The following THSD7B variants were observed in gnomAD, a reference collection of about 807,000 sequenced individuals.
THSD7B encodes the protein thrombospondin type 1 domain containing 7B.
A neutral mutation model predicts 213.6 loss-of-function variants in THSD7B; 138 were observed. The observed-to-expected ratio is 0.65, with a 90% CI of 0.56 to 0.74. The LOEUF (loss-of-function observed/expected upper bound fraction) is 0.74, where lower values mean the gene tolerates loss of function less well. Ranked by LOEUF, THSD7B falls within the 30% of genes least tolerant of loss-of-function variation. THSD7B has a pLI of 0.00. For synonymous variants in THSD7B, 742 were observed against 687.0 expected, an observed-to-expected ratio of 1.08 and a Z score of -1.25; for missense variants, 1,931 against 1,991.5, an observed-to-expected ratio of 0.97 and a Z score of 0.58.
chr2:136,873,503 C>G (rs963692537), intron 1 of THSD7B, among the ~76,000 whole-genome samples: 1 of 152,076 alleles, frequency 6.6e-6, no homozygotes, highest in African/African-American at 2.4e-5. Context: ...CTGTTTTTTC[C>G]TTCGCAGGGT....
At chr2:136,797,597 A>C (rs1341260366) in intron 1 of THSD7B, among the ~76,000 whole-genome samples, 2 of 151,948 alleles carry the variant, frequency 1.3e-5, no homozygotes, top group Non-Finnish European at 2.9e-5. Flanking sequence ...GAGATTGGTG[A>C]AATGGAAAGC....
At chr2:137,230,677 G>A (rs985789857) in intron 7 of THSD7B, among the ~76,000 whole-genome samples, 7 of 152,058 alleles carry the variant, frequency 4.6e-5, no homozygotes, top group Non-Finnish European at 7.4e-5. Context: ...AGATTAGAAG[G>A]GTCAACATAA....
chr2:137,397,814 T>TACACCAATC (rs1686232968), intron 12 of THSD7B, among the ~76,000 whole-genome samples: 4 of 146,254 alleles, frequency 2.7e-5, no homozygotes, highest in Admixed American at 2.1e-4. Flanking sequence ...CAATCAGACG[T>TACACCAATC]AGATTTGGTC....
chr2:136,814,823 G>A lies in THSD7B; in HGVS notation c.-36+49136G>A, dbSNP rs576187301. 9.9e-5 allele frequency among the ~76,000 whole-genome samples: 15 copies of A among 152,264 alleles called. No homozygotes were observed. The South Asian group carries it at 3.1e-3, about 32-fold the overall frequency. On this transcript the variant is annotated intron_variant, in intron 1 of 27. Coordinates refer to ENST00000409968, the MANE Select transcript of THSD7B (RefSeq NM_001316349.2). ...ACCCTAGTGGTCTAAAATAGGGTTT[G>A]GCAAACTATGGTCAGTTTGGCTCAC...
intron 2 of THSD7B, among the ~76,000 whole-genome samples, chr2:136,896,451 T>G (rs1423345857): frequency 6.6e-6 from 1 of 152,204 alleles, no homozygotes; most frequent in Non-Finnish European, 1.5e-5. Context: ...ATGCAAATCC[T>G]TTATTGGATG....
At chr2:137,076,904 C>G (rs1024696787) in intron 3 of THSD7B, among the ~76,000 whole-genome samples, 1 of 151,828 alleles carries the variant, frequency 6.6e-6, no homozygotes, top group Non-Finnish European at 1.5e-5. Context: ...ATACATGTGC[C>G]ATGTTGGTGT....
At chr2:137,006,825 T>C (rs529686548) in intron 2 of THSD7B, among the ~76,000 whole-genome samples, 2 of 152,236 alleles carry the variant, frequency 1.3e-5, no homozygotes, top group Non-Finnish European at 2.9e-5. Flanking sequence ...TTTGATATTT[T>C]CTGTAGCCAT....
At position 136,851,737 on chromosome 2, in the gene THSD7B, C is replaced by T. The variant is rs1047951289; in HGVS notation, c.-35-30407C>T. ...AGAAATACTTGAAGTCTCTTAAGGC[C>T]TAGTCTTGTATCGTTACAGCCTTTT... On this transcript the variant is annotated intron_variant, in intron 1 of 27. Coordinates refer to ENST00000409968, the MANE Select transcript of THSD7B (RefSeq NM_001316349.2). Among the ~76,000 whole-genome samples the T allele has an allele frequency of 3.9e-5, 6 of 152,000 alleles. 1 individual carries two copies. Among genetic ancestry groups the T allele is most frequent in the Non-Finnish European group, 5.9e-5 (4 of 68,006 alleles).
chr2:137,110,204 T>C (rs1456049177), intron 4 of THSD7B, among the ~76,000 whole-genome samples: 1 of 152,188 alleles, frequency 6.6e-6, no homozygotes, highest in Non-Finnish European at 1.5e-5. Flanking sequence ...GAAGGTAATC[T>C]TCCCAAGGTC....
At chr2:136,768,288 G>T (rs1681443417) in intron 1 of THSD7B, among the ~76,000 whole-genome samples, 1 of 152,150 alleles carries the variant, frequency 6.6e-6, no homozygotes, top group Non-Finnish European at 1.5e-5. Context: ...AAAAAGATAG[G>T]CTCTAAGTTA....
chr2:137,586,523 C>T (rs1305227429), intron 17 of THSD7B, among the ~76,000 whole-genome samples: 1 of 152,178 alleles, frequency 6.6e-6, no homozygotes, highest in African/African-American at 2.4e-5. Context: ...TCTTATAGGG[C>T]AGGCTTGGTG....
At chr2:137,501,648 G>A (rs1192127060) in intron 15 of THSD7B, among the ~76,000 whole-genome samples, 3 of 152,040 alleles carry the variant, frequency 2.0e-5, no homozygotes, top group Non-Finnish European at 4.4e-5. Context: ...CTCCCTCCCC[G>A]AAAAGAATCA....
chr2:137,311,353 T>C (rs1573952639), intron 12 of THSD7B, among the ~76,000 whole-genome samples: 2 of 152,156 alleles, frequency 1.3e-5, no homozygotes, highest in African/African-American at 4.8e-5. Flanking sequence ...GTACATTGAT[T>C]TTGTATCCTG....
chr2:136,773,848 G>A (rs1259144959), intron 1 of THSD7B, among the ~76,000 whole-genome samples: 1 of 150,010 alleles, frequency 6.7e-6, no homozygotes, highest in Non-Finnish European at 1.5e-5. Flanking sequence ...CCATTCATTT[G>A]TTTATTAATG....
chr2:137,082,521 G>A (rs1361003038), intron 3 of THSD7B, among the ~76,000 whole-genome samples: 1 of 152,068 alleles, frequency 6.6e-6, no homozygotes, highest in African/African-American at 2.4e-5. Flanking sequence ...ATAACAACAA[G>A]AGCTCTCAAA....
intron 12 of THSD7B, among the ~76,000 whole-genome samples, chr2:137,279,387 T>A (rs966097867): frequency 1.3e-5 from 2 of 151,620 alleles, no homozygotes; most frequent in Non-Finnish European, 2.9e-5. Context: ...ATAGAAATTT[T>A]AAAAAAAGAG....
intron 7 of THSD7B, among the ~76,000 whole-genome samples, chr2:137,227,666 C>G (rs1681540180): frequency 6.6e-6 from 1 of 152,080 alleles, no homozygotes; most frequent in African/African-American, 2.4e-5. Flanking sequence ...GGCTCAAGTG[C>G]TTTATTTTTG....
chr2:137,222,430 A>G (rs1681391535), intron 7 of THSD7B, among the ~76,000 whole-genome samples: 1 of 152,202 alleles, frequency 6.6e-6, no homozygotes. Flanking sequence ...CAGAGGTCAC[A>G]TATTCATTTT....
At chr2:137,519,251 A>AAAATAAATAAAT (rs150919867) in intron 15 of THSD7B, among the ~76,000 whole-genome samples, 31,712 of 148,832 alleles carry the variant, frequency 0.21, 3,506 homozygotes, top group South Asian at 0.25. Context: ...ACTCCATCTC[A>AAAATAAATAAAT]AAATAAATAA....
Sources: gnomAD v4.1 joint callset for allele counts (sites outside exome capture counted in the v4.1 genomes callset) on GRCh38, gnomAD v4.1.1 for gene constraint, MANE v1.5 for transcripts, NCBI Gene and HGNC (gene_info 2026-07-23, HGNC 2026-07-21) for gene names.